GUCA1C: variants seen among roughly 807,000 people sequenced by gnomAD.
The protein encoded by GUCA1C is guanylate cyclase activator 1C.
A neutral mutation model predicts 16.2 loss-of-function variants in GUCA1C; 15 were observed. That is an observed-to-expected ratio of 0.93 (90% CI 0.62 to 1.43). The LOEUF (loss-of-function observed/expected upper bound fraction) is 1.43. GUCA1C is among the 40% of genes most tolerant of loss of function. The pLI is 0.00. For synonymous variants in GUCA1C, 78 were observed against 85.4 expected (o/e 0.91, Z 0.48); for missense variants, 275 against 244.8 (o/e 1.12, Z -0.82).
chr3:108,948,022 G>A (rs1946859525), intron 1 of GUCA1C, among the ~76,000 whole-genome samples: 1 of 152,074 alleles, frequency 6.6e-6, no homozygotes, highest in Non-Finnish European at 1.5e-5. Context: ...AGCTCACTGG[G>A]CTTTCTGCAT....
intron 3 of GUCA1C, 143 bp from the exon 4 acceptor site, chr3:108,908,352 T>TAAAAAAAAAAAAAAAAA (rs1468970590): frequency 5.8e-6 from 2 of 346,658 alleles, no homozygotes; most frequent in African/African-American, 5.5e-5. Flanking sequence ...GATCTTCATT[T>TAAAAAAAAAAAAAAAAA]AAACAAAAAA....
intron 3 of GUCA1C, among the ~76,000 whole-genome samples, chr3:108,913,576 G>A (rs559234005): frequency 6.6e-6 from 1 of 151,896 alleles, no homozygotes; most frequent in Non-Finnish European, 1.5e-5. Flanking sequence ...CAGCACATTT[G>A]TTAACATCTT....
chr3:108,946,987 T>C (rs1946850218), intron 1 of GUCA1C, among the ~76,000 whole-genome samples: 1 of 151,506 alleles, frequency 6.6e-6, no homozygotes, highest in Admixed American at 6.6e-5. Context: ...TTAATAATAA[T>C]GTGTATTTCA....
At chr3:108,948,006 A>T (rs2107318274) in intron 1 of GUCA1C, among the ~76,000 whole-genome samples, 1 of 152,218 alleles carries the variant, frequency 6.6e-6, no homozygotes, top group African/African-American at 2.4e-5. Context: ...CTCAAACGGG[A>T]TTAGCAGCTC....
intron 1 of GUCA1C, among the ~76,000 whole-genome samples, chr3:108,924,768 T>C (rs553234872): frequency 2.6e-5 from 4 of 152,164 alleles, no homozygotes; most frequent in African/African-American, 7.2e-5. Context: ...TCCTGGACTT[T>C]TTTGTTGGCA....
intron 1 of GUCA1C, among the ~76,000 whole-genome samples, chr3:108,950,412 G>C (rs1576559141): frequency 6.6e-6 from 1 of 152,230 alleles, no homozygotes; most frequent in South Asian, 2.1e-4. Flanking sequence ...TATATACCCA[G>C]AAGTGAGATT....
rs371165753 is a variant in GUCA1C, at chr3:108,908,004, G to T, written c.*18C>A. ...GAAATGTTGTGCTCATTGATAGCTG[G>T]GACAGGTATTCTCACAGCTACTTCA... On this transcript the variant is annotated 3_prime_UTR_variant, in exon 4 of 4. Transcript: ENST00000261047. 3.5e-5 allele frequency: 55 copies of T among 1,574,600 alleles called. No homozygotes were observed. Among genetic ancestry groups the T allele is most frequent in the Middle Eastern group, 1.7e-4 (1 of 5,954 alleles).
intron 1 of GUCA1C, among the ~76,000 whole-genome samples, chr3:108,928,506 C>A (rs2107294900): frequency 6.6e-6 from 1 of 152,274 alleles, no homozygotes; most frequent in Non-Finnish European, 1.5e-5. Flanking sequence ...TCGAAAACAT[C>A]ATTACCAAAC....
intron 1 of GUCA1C, among the ~76,000 whole-genome samples, chr3:108,930,550 A>G (rs1946657915): frequency 6.6e-6 from 1 of 152,222 alleles, no homozygotes; most frequent in Non-Finnish European, 1.5e-5. Flanking sequence ...TTTATTTTCT[A>G]CACTGTGGAT....
At chr3:108,920,342 C>A in intron 2 of GUCA1C, 94 bp downstream of exon 2, 1 of 880,836 alleles carries the variant, frequency 1.1e-6, no homozygotes. Context: ...GCCAAAATAG[C>A]CAACCCCATA....
intron 1 of GUCA1C, among the ~76,000 whole-genome samples, chr3:108,922,186 CACACACACACACACACATAT>C (rs1292548434): frequency 0.012 from 509 of 42,022 alleles, 4 homozygotes; most frequent in Non-Finnish European, 0.028. Context: ...CACACACACA[CACACACACACACACACATAT>C]ATATATGGAT....
intron 1 of GUCA1C, among the ~76,000 whole-genome samples, chr3:108,947,117 C>CCTG (rs1305524644): frequency 6.6e-6 from 1 of 152,052 alleles, no homozygotes; most frequent in Non-Finnish European, 1.5e-5. Flanking sequence ...CTACTAACAG[C>CCTG]CTGCTATTGC....
At chr3:108,943,318 A>G (rs535766537) in intron 1 of GUCA1C, among the ~76,000 whole-genome samples, 1 of 152,280 alleles carries the variant, frequency 6.6e-6, no homozygotes, top group African/African-American at 2.4e-5. Flanking sequence ...TAAGAGCAGA[A>G]GCACCCGTGA....
chr3:108,922,278 G>T lies in GUCA1C; in HGVS notation c.205-1693C>A, dbSNP rs185935688. Among the ~76,000 whole-genome samples, 94 of 151,898 alleles carry T rather than the reference G, an allele frequency of 6.2e-4. 1 individual carries two copies. The highest frequency in any genetic ancestry group is 1.0e-3 in the Non-Finnish European group (68 of 67,990). On this transcript the variant is annotated intron_variant, in intron 1 of 3. Coordinates refer to ENST00000261047, the MANE Select transcript of GUCA1C (RefSeq NM_005459.4). Reference sequence around the variant, plus strand: ...AAGCTGGTTCCATATTTTTGCATTTGCAAATTGTGCTGCCATACACATGCA... The same window carrying T: ...AAGCTGGTTCCATATTTTTGCATTTTCAAATTGTGCTGCCATACACATGCA...
At chr3:108,918,384 C>T (rs938205767) in intron 2 of GUCA1C, among the ~76,000 whole-genome samples, 3 of 152,160 alleles carry the variant, frequency 2.0e-5, no homozygotes, top group Admixed American at 6.5e-5. Flanking sequence ...AACACCCTAG[C>T]ATCCTTTGTC....
intron 3 of GUCA1C, among the ~76,000 whole-genome samples, chr3:108,911,972 G>GGCTA (rs1946459726): frequency 6.6e-6 from 1 of 151,802 alleles, no homozygotes; most frequent in South Asian, 2.1e-4. Context: ...CGGGCGTAGT[G>GGCTA]GTGGGTGACT....
chr3:108,909,052 G>A (rs1013141088), intron 3 of GUCA1C, among the ~76,000 whole-genome samples: 8 of 152,176 alleles, frequency 5.3e-5, no homozygotes, highest in African/African-American at 1.9e-4. Context: ...GTACATTCAA[G>A]GAAGGAAGTC....
chr3:108,921,720 C>A (rs181097701), intron 1 of GUCA1C, among the ~76,000 whole-genome samples: 1 of 152,168 alleles, frequency 6.6e-6, no homozygotes. Flanking sequence ...GCTTGTTTAC[C>A]ACCTGTATTT....
intron 1 of GUCA1C, among the ~76,000 whole-genome samples, chr3:108,940,482 C>T (rs1270779559): frequency 1.3e-5 from 2 of 152,190 alleles, no homozygotes; most frequent in African/African-American, 4.8e-5. Context: ...AAGCATGAGT[C>T]CTGGGTTATA....
Sources: gnomAD v4.1 joint callset for allele counts (sites outside exome capture counted in the v4.1 genomes callset) on GRCh38, gnomAD v4.1.1 for gene constraint, MANE v1.5 for transcripts, NCBI Gene and HGNC (gene_info 2026-07-23, HGNC 2026-07-21) for gene names.